LRMDA: variants seen among roughly 807,000 people sequenced by gnomAD.
LRMDA encodes the protein leucine rich melanocyte differentiation associated.
Under a neutral mutation model 29.8 loss-of-function variants are expected in LRMDA, and 18 were observed. The ratio of observed to expected loss-of-function variants is 0.60; its 90% CI spans 0.42 to 0.90. The LOEUF is 0.90. Ranked by LOEUF, LRMDA falls within the 40% of genes least tolerant of loss-of-function variation. The probability of loss-of-function intolerance (pLI) is 0.00; values close to 1 mark genes in which losing one functional copy is unlikely to be tolerated. For synonymous variants in LRMDA, 125 were observed against 109.4 expected, an observed-to-expected ratio of 1.14 and a Z score of -0.89; for missense variants, 273 against 273.9, an observed-to-expected ratio of 1.00 and a Z score of 0.02.
chr10:76,507,057 C>T (rs79966574), intron 6 of LRMDA, among the ~76,000 whole-genome samples: 8,425 of 152,070 alleles, frequency 0.055, 239 homozygotes, highest in Non-Finnish European at 0.072. Context: ...TAATTCCCAC[C>T]GTAAGTATAT....
At chr10:75,810,341 G>A (rs1185238336) in intron 2 of LRMDA, among the ~76,000 whole-genome samples, 1 of 152,204 alleles carries the variant, frequency 6.6e-6, no homozygotes, top group Non-Finnish European at 1.5e-5. Flanking sequence ...GGTAGCAGGA[G>A]CGAAAGCAGG....
intron 2 of LRMDA, among the ~76,000 whole-genome samples, chr10:75,954,885 G>A (rs1390773873): frequency 1.3e-5 from 2 of 152,162 alleles, no homozygotes; most frequent in Admixed American, 6.5e-5. Flanking sequence ...GAAGTTTTGG[G>A]AATGCTTTAT....
intron 5 of LRMDA, among the ~76,000 whole-genome samples, chr10:76,084,285 C>A (rs560416641): frequency 2.0e-5 from 3 of 151,764 alleles, no homozygotes; most frequent in South Asian, 4.2e-4. Flanking sequence ...ACAACCTCTG[C>A]CTCCCGAGTT....
In LRMDA at chr10:75,870,866, C is replaced by T. The variant is rs115020041; in HGVS notation, c.132-165142C>T. Reference sequence around the variant, plus strand: ...GTCTCCCCAGCTCTGTCCCACTTTCCGGGGCATCATCTTCTCTTTGCTGCT... The same window carrying T: ...GTCTCCCCAGCTCTGTCCCACTTTCTGGGGCATCATCTTCTCTTTGCTGCT... On this transcript the variant is annotated intron_variant, in intron 2 of 6. Coordinates refer to ENST00000611255, the MANE Select transcript of LRMDA (RefSeq NM_001305581.2). 1.3e-3 allele frequency among the ~76,000 whole-genome samples: 202 copies of T among 152,278 alleles called. 1 individual carries two copies. The highest frequency in any genetic ancestry group is 3.8e-3 in the African/African-American group (159 of 41,558).
chr10:76,296,001 C>T (rs140695098), intron 5 of LRMDA, among the ~76,000 whole-genome samples: 8 of 152,128 alleles, frequency 5.3e-5, no homozygotes, highest in South Asian at 2.1e-4. Flanking sequence ...CTCCATAGTA[C>T]GTAATTTGGG....
chr10:75,681,426 A>C (rs1842021486), intron 2 of LRMDA, among the ~76,000 whole-genome samples: 1 of 152,148 alleles, frequency 6.6e-6, no homozygotes, highest in African/African-American at 2.4e-5. Flanking sequence ...TTGCTGAGGC[A>C]TTTGCAGGTT....
chr10:76,436,622 T>C (rs1435101707), intron 6 of LRMDA, among the ~76,000 whole-genome samples: 1 of 152,164 alleles, frequency 6.6e-6, no homozygotes, highest in African/African-American at 2.4e-5. Context: ...GCGGAGAGCA[T>C]CGGTGCTCAG....
intron 6 of LRMDA, among the ~76,000 whole-genome samples, chr10:76,551,069 C>T (rs561296732): frequency 1.3e-5 from 2 of 152,318 alleles, no homozygotes; most frequent in South Asian, 2.1e-4. Context: ...TTAACAAAGA[C>T]TGAGGAATGT....
chr10:76,036,148 T>G lies in LRMDA; in HGVS notation c.258+14T>G, dbSNP rs1478913523. ...AACAAGAACCGAATATCCTTTCCTC[T>G]GCCCGCTGCCCCCACTCCCCACCCA... is the stretch of plus-strand genomic sequence containing the variant. On this transcript the variant is annotated intron_variant, in intron 3 of 6. Transcript: ENST00000611255. The G allele has an allele frequency of 1.9e-6, 3 of 1,609,284 alleles. No homozygotes were observed. In the Admixed American group the frequency reaches 5.0e-5, roughly 27 times the overall value.
At chr10:75,741,584 G>T (rs768366249) in intron 2 of LRMDA, among the ~76,000 whole-genome samples, 1 of 152,290 alleles carries the variant, frequency 6.6e-6, no homozygotes, top group Middle Eastern at 3.4e-3. Context: ...AGGGAGCAAG[G>T]GTTATGGGGT....
intron 5 of LRMDA, among the ~76,000 whole-genome samples, chr10:76,259,413 A>G (rs922800355): frequency 1.3e-5 from 2 of 151,962 alleles, no homozygotes; most frequent in African/African-American, 2.4e-5. Flanking sequence ...GTTTTATTCT[A>G]TTGTCATCTG....
At chr10:75,961,775 C>A (rs528504062) in intron 2 of LRMDA, among the ~76,000 whole-genome samples, 3 of 152,286 alleles carry the variant, frequency 2.0e-5, no homozygotes, top group African/African-American at 7.2e-5. Context: ...AAGTACTGCA[C>A]GTTGGATAGC....
Position 76,083,833 on chromosome 10 carries a change from C to CAA in LRMDA, c.516+25066_516+25067dup, listed in dbSNP as rs71024585. ...TGGGCAACAGAGCTAGACTGCATCT[C>CAA]AAAAAAAAAAAAAAAAAGGGGCTCT... On this transcript the variant is annotated intron_variant, in intron 5 of 6. Coordinates refer to ENST00000611255, the MANE Select transcript of LRMDA (RefSeq NM_001305581.2). 8.9e-3 allele frequency among the ~76,000 whole-genome samples: 1,035 copies of CAA among 116,922 alleles called. 9 individuals carry two copies. Among genetic ancestry groups the CAA allele is most frequent in the African/African-American group, 0.022 (685 of 31,156 alleles). 76.7% of individuals were successfully genotyped at this position (116,922 alleles called of 152,430 possible). A position where few individuals can be genotyped will look rare whatever the true frequency, so the allele number is the denominator to read the frequency against.
intron 6 of LRMDA, among the ~76,000 whole-genome samples, chr10:76,370,403 C>A (rs1398291676): frequency 6.6e-6 from 1 of 152,174 alleles, no homozygotes; most frequent in Non-Finnish European, 1.5e-5. Context: ...CCTTACCTAA[C>A]AGCTATAATT....
chr10:75,949,934 G>A (rs1012135339), intron 2 of LRMDA, among the ~76,000 whole-genome samples: 3 of 152,298 alleles, frequency 2.0e-5, no homozygotes, highest in South Asian at 2.1e-4. Context: ...GTGTCATGAC[G>A]TTTTCTTGGT....
intron 2 of LRMDA, among the ~76,000 whole-genome samples, chr10:75,565,772 G>A (rs557091636): frequency 2.0e-5 from 3 of 152,324 alleles, no homozygotes; most frequent in East Asian, 3.9e-4. Flanking sequence ...TTGGGGTCAT[G>A]TATGATTAAA....
At chr10:76,020,230 G>C (rs1193842819) in intron 2 of LRMDA, among the ~76,000 whole-genome samples, 2 of 152,138 alleles carry the variant, frequency 1.3e-5, no homozygotes, top group Non-Finnish European at 2.9e-5. Flanking sequence ...GTGGATACTT[G>C]GTACATGGAT....
intron 2 of LRMDA, among the ~76,000 whole-genome samples, chr10:75,829,841 C>CTTTTTT (rs34025294): frequency 4.6e-4 from 41 of 89,416 alleles, no homozygotes; most frequent in East Asian, 6.8e-4. Context: ...GAATAGGCCA[C>CTTTTTT]TTTTTTTTTT....
chr10:75,886,604 T>G (rs1200722387), intron 2 of LRMDA, among the ~76,000 whole-genome samples: 1 of 152,222 alleles, frequency 6.6e-6, no homozygotes, highest in Admixed American at 6.5e-5. Context: ...GTCAACCAAG[T>G]TGAGTTATAA....
Sources: allele counts gnomAD v4.1 joint callset (sites outside exome capture counted in the v4.1 genomes callset), GRCh38; gene constraint gnomAD v4.1.1; transcripts MANE v1.5; gene names NCBI Gene and HGNC (gene_info 2026-07-23, HGNC 2026-07-21).